Variants in CENPC observed in about 807,000 individuals in gnomAD.
The protein encoded by CENPC is CENP-C 1.
In CENPC, 63 loss-of-function variants were observed where a neutral mutation model predicts 112.1. That is an observed-to-expected ratio of 0.56 (90% CI 0.46 to 0.69). The LOEUF (loss-of-function observed/expected upper bound fraction) is 0.69. Among genes scored for constraint, CENPC ranks in the 30% least tolerant of loss-of-function variants. CENPC has a pLI of 0.00. For synonymous variants in CENPC, 333 were observed against 367.6 expected (o/e 0.91, Z 1.08); for missense variants, 1,000 against 1,103.8 (o/e 0.91, Z 1.33).
chr4:67,531,043 T>C, intron 4 of CENPC, 129 bp from the exon 5 acceptor site: 1 of 469,652 alleles, frequency 2.1e-6, no homozygotes. Context: ...AAGAGTTTTA[T>C]ACTACTTTTT....
At chr4:67,518,046 T>C in intron 7 of CENPC, 110 bp downstream of exon 7, 1 of 607,632 alleles carries the variant, frequency 1.6e-6, no homozygotes, top group Non-Finnish European at 2.6e-6. Context: ...ATTAAAATTT[T>C]TGTTAATTAA....
intron 1 of CENPC, among the ~76,000 whole-genome samples, chr4:67,545,074 A>T (rs2109841216): frequency 6.6e-6 from 1 of 152,314 alleles, no homozygotes; most frequent in East Asian, 1.9e-4. Flanking sequence ...AAAACCCAGC[A>T]GAAATCACAA....
intron 4 of CENPC, among the ~76,000 whole-genome samples, chr4:67,537,602 G>A (rs1726764158): frequency 6.6e-6 from 1 of 152,074 alleles, no homozygotes; most frequent in African/African-American, 2.4e-5. Context: ...AGACCAGCCT[G>A]GCCAACATGG....
chr4:67,492,073 A>G (rs1211114622), intron 16 of CENPC, 107 bp downstream of exon 16: 1 of 718,404 alleles, frequency 1.4e-6, no homozygotes, highest in Non-Finnish European at 2.3e-6. Flanking sequence ...TTTAGCACTG[A>G]TAGAATTGGG....
chr4:67,496,274 C>T (rs968505062), intron 12 of CENPC, among the ~76,000 whole-genome samples: 2 of 152,208 alleles, frequency 1.3e-5, no homozygotes, highest in South Asian at 2.1e-4. Flanking sequence ...TTTCAGATGA[C>T]TCCAGCCCCA....
At chr4:67,521,231 G>GAAAAAAAAAAAAAAAAAAAAAAAAA (rs1726220381) in intron 5 of CENPC, among the ~76,000 whole-genome samples, 1 of 140,848 alleles carries the variant, frequency 7.1e-6, no homozygotes, top group African/African-American at 2.6e-5. Flanking sequence ...AAGAAATAAT[G>GAAAAAAAAAAAAAAAAAAAAAAAAA]ATCAATAGAC....
At chr4:67,487,690 C>A (rs1725130529) in intron 17 of CENPC, among the ~76,000 whole-genome samples, 1 of 151,440 alleles carries the variant, frequency 6.6e-6, no homozygotes, top group Non-Finnish European at 1.5e-5. Context: ...TTTAGGCATG[C>A]TTTTCTCTCT....
At chr4:67,515,885 A>C (rs1332239475) in intron 7 of CENPC, among the ~76,000 whole-genome samples, 1 of 151,970 alleles carries the variant, frequency 6.6e-6, no homozygotes, top group African/African-American at 2.4e-5. Context: ...TTAAATAATG[A>C]AGTCAAACAA....
chr4:67,480,553 T>A (rs1389562874), intron 17 of CENPC, among the ~76,000 whole-genome samples: 1 of 152,166 alleles, frequency 6.6e-6, no homozygotes, highest in Non-Finnish European at 1.5e-5. Flanking sequence ...CAGGACCAGA[T>A]GGATTCACAG....
chr4:67,478,887 T>C (rs1031240490), intron 17 of CENPC, among the ~76,000 whole-genome samples: 1 of 152,124 alleles, frequency 6.6e-6, no homozygotes, highest in Non-Finnish European at 1.5e-5. Context: ...AGATATTCCA[T>C]GCAAATGGAT....
chr4:67,506,821 G>A lies in CENPC; in HGVS notation c.2018C>T (p.Ser673Phe). 1 of 1,610,138 alleles carries A rather than the reference G, an allele frequency of 6.2e-7. No individual in the cohort carries two copies. Among genetic ancestry groups the A allele is most frequent in the East Asian group, 2.2e-5 (1 of 44,716 alleles). The change falls in exon 11 of 19, where the codon TCT becomes TTT. Residue 673 changes from serine to phenylalanine, a missense_variant. Physicochemically the swap from Ser to Phe is radical, Grantham distance 155. Transcript: ENST00000273853. ...TAAAACTGAAGTCTTATGCTCTCCAGAATCCAAGTTTGACTCTGTTGGTAT... is the reference window on the plus strand; with the variant it reads ...TAAAACTGAAGTCTTATGCTCTCCAAAATCCAAGTTTGACTCTGTTGGTAT... ...CNIPTESNLDSGEHKTSVLEE... is the reference protein window; with the variant it reads ...CNIPTESNLDFGEHKTSVLEE...
At chr4:67,522,870 T>C (rs355501) in intron 5 of CENPC, among the ~76,000 whole-genome samples, 132,371 of 152,056 alleles carry the variant, frequency 0.87, 57,799 homozygotes, top group East Asian at 0.93. Flanking sequence ...CGCAGTGGTG[T>C]GTGCCTATAA....
intron 8 of CENPC, 28 bp from the exon 9 acceptor site, chr4:67,512,597 T>G: frequency 6.9e-7 from 1 of 1,442,548 alleles, no homozygotes; most frequent in Non-Finnish European, 9.2e-7. Context: ...ATAAAACCAA[T>G]TCACAATCTA....
chr4:67,518,699 A>G (rs2109809945), intron 6 of CENPC, among the ~76,000 whole-genome samples: 1 of 152,288 alleles, frequency 6.6e-6, no homozygotes, highest in Non-Finnish European at 1.5e-5. Context: ...CTTAGAATAT[A>G]CTTAACTCCT....
At chr4:67,475,967 A>G (rs1724794178) in intron 17 of CENPC, among the ~76,000 whole-genome samples, 2 of 152,196 alleles carry the variant, frequency 1.3e-5, no homozygotes, top group African/African-American at 4.8e-5. Flanking sequence ...AACTGCCTAC[A>G]TGATAGTGGT....
At chr4:67,534,657 T>C (rs1424500746) in intron 4 of CENPC, among the ~76,000 whole-genome samples, 2 of 152,212 alleles carry the variant, frequency 1.3e-5, no homozygotes, top group Non-Finnish European at 2.9e-5. Context: ...AAGATTTCTT[T>C]GTCAGAAATA....
intron 17 of CENPC, among the ~76,000 whole-genome samples, chr4:67,476,215 T>C (rs1724800272): frequency 6.6e-6 from 1 of 152,196 alleles, no homozygotes; most frequent in African/African-American, 2.4e-5. Context: ...ACTCACATCA[T>C]GAACTTTTTT....
intron 17 of CENPC, 58 bp from the exon 18 acceptor site, chr4:67,475,036 G>A (rs1724765755): frequency 7.1e-6 from 6 of 842,444 alleles, no homozygotes; most frequent in African/African-American, 1.8e-5. Flanking sequence ...TACTTCAAAG[G>A]AACCTTAAAA....
chr4:67,529,750 A>C (rs1408377307), intron 5 of CENPC, among the ~76,000 whole-genome samples: 1 of 152,232 alleles, frequency 6.6e-6, no homozygotes, highest in East Asian at 1.9e-4. Context: ...AGAATTCCAA[A>C]AGTTTATTTG....
Sources: allele counts gnomAD v4.1 joint callset (sites outside exome capture counted in the v4.1 genomes callset), GRCh38; gene constraint gnomAD v4.1.1; transcripts MANE v1.5; gene names NCBI Gene and HGNC (gene_info 2026-07-23, HGNC 2026-07-21).